The following MYCBPAP variants were observed in gnomAD, a reference collection of about 807,000 sequenced individuals.
MYCBPAP encodes MYCBP associated protein, also known as MYCBP-associated protein.
In MYCBPAP, 60 loss-of-function variants were observed where a neutral mutation model predicts 106.1. The ratio of observed to expected loss-of-function variants is 0.57; its 90% CI spans 0.46 to 0.70. The LOEUF (loss-of-function observed/expected upper bound fraction) is 0.70. MYCBPAP is among the 30% of genes least tolerant of loss of function. The pLI, the probability that MYCBPAP is intolerant of heterozygous loss-of-function variation, is 0.00. For missense variants in MYCBPAP, 1,064 were observed against 1,169.3 expected (o/e 0.91, Z 1.31); for synonymous variants, 407 against 440.6 (o/e 0.92, Z 0.95).
chr17:50,519,960 T>C (rs6504665), intron 7 of MYCBPAP, 173 bp downstream of exon 7: 481,886 of 645,598 alleles, frequency 0.75, 181,614 homozygotes, highest in East Asian at 0.9. Context: ...CTCCCTCTTC[T>C]TTTTCTTCAG....
At chr17:50,512,180 A>C (rs918954040) in intron 1 of MYCBPAP, among the ~76,000 whole-genome samples, 8 of 151,302 alleles carry the variant, frequency 5.3e-5, no homozygotes, top group Admixed American at 4.6e-4. Flanking sequence ...CAGCCTCCCG[A>C]GTAGCTGGGA....
chr17:50,523,878 C>A, intron 12 of MYCBPAP, 94 bp downstream of exon 12: 3 of 1,254,752 alleles, frequency 2.4e-6, no homozygotes, highest in South Asian at 1.5e-5. Flanking sequence ...TTTCTCCCAG[C>A]CTAAGAGGAG....
chr17:50,528,919 G>T, intron 17 of MYCBPAP, 79 bp downstream of exon 17: 1 of 1,599,340 alleles, frequency 6.3e-7, no homozygotes, highest in South Asian at 1.1e-5. Context: ...CTGTGGAGGT[G>T]GGCATGTGCC....
intron 6 of MYCBPAP, 60 bp downstream of exon 6, chr17:50,519,149 G>T: frequency 8.5e-7 from 1 of 1,183,350 alleles, no homozygotes; most frequent in Non-Finnish European, 1.2e-6. Context: ...GGGGGCGGGG[G>T]CAGGTGTCTG....
In MYCBPAP at chr17:50,531,408, G is replaced by T. The variant is rs1393841312; in HGVS notation, c.2806G>T (p.Ala936Ser). ...CAGCCCCATAAAGAATGTCGAGGAG[G>T]CTTTGCGCCTCTGCAGGTGACTCTC... is the stretch of plus-strand genomic sequence containing the variant. ...ELSPIKNVEEALRLCR is the reference protein window; with the variant it reads ...ELSPIKNVEESLRLCR Residue 936 changes from alanine to serine, a missense_variant, in exon 19 of 19, where the codon GCT (alanine) becomes TCT (serine). Coordinates refer to ENST00000323776, the MANE Select transcript of MYCBPAP (RefSeq NM_032133.6). The T allele has an allele frequency of 6.2e-7, 1 of 1,612,386 alleles. No individual in the cohort carries two copies. Among genetic ancestry groups the T allele is most frequent in the Admixed American group, 1.7e-5 (1 of 59,698 alleles).
At chr17:50,521,257 C>A (rs1436039776) in intron 8 of MYCBPAP, 32 bp downstream of exon 8, 2 of 1,598,008 alleles carry the variant, frequency 1.3e-6, no homozygotes, top group Non-Finnish European at 1.7e-6. Flanking sequence ...CAGTCAGAAG[C>A]CCCTTGGGGC....
At position 50,518,723 on chromosome 17, in the gene MYCBPAP, C is replaced by A; in HGVS notation, c.651C>A (p.Ser217Arg). ...ALRKKQQEAL[S>R]EHLKKPVSEL... ...GGAAGAAGCAGCAGGAAGCCCTCAG[C>A]GGTGAGCAGAGCAGACAGGGCTCCC... Residue 217 changes from serine (S) to arginine (R), a missense_variant and splice_region_variant, in exon 5 of 19, where the codon AGC becomes AGA. Ser to Arg is a moderately radical substitution (Grantham distance 110, BLOSUM62 -1). Coordinates refer to ENST00000323776, the MANE Select transcript of MYCBPAP (RefSeq NM_032133.6). 1 of 1,577,020 alleles carries A rather than the reference C, an allele frequency of 6.3e-7. No individual in the cohort carries two copies. The highest frequency in any genetic ancestry group is 8.6e-7 in the Non-Finnish European group (1 of 1,165,124).
At chr17:50,509,267 C>A (rs2033732642) in intron 1 of MYCBPAP, 1 of 657,862 alleles carries the variant, frequency 1.5e-6, no homozygotes, top group Non-Finnish European at 2.8e-6. Flanking sequence ...CCTTGCTTGG[C>A]TAGTTCTCTT....
intron 4 of MYCBPAP, among the ~76,000 whole-genome samples, chr17:50,518,236 G>C (rs752640243): frequency 6.6e-6 from 1 of 152,242 alleles, no homozygotes; most frequent in Non-Finnish European, 1.5e-5. Flanking sequence ...GGCCCTGTAA[G>C]AATGCTTCCA....
intron 15 of MYCBPAP, among the ~76,000 whole-genome samples, chr17:50,527,694 A>C (rs549431995): frequency 2.8e-4 from 42 of 152,306 alleles, no homozygotes; most frequent in African/African-American, 9.6e-4. Flanking sequence ...GGCAGGAAGA[A>C]GACGGGGGGC....
intron 12 of MYCBPAP, 136 bp from the exon 13 acceptor site, chr17:50,524,733 TGTGTGAGA>T: frequency 3.5e-6 from 1 of 288,260 alleles, no homozygotes; most frequent in South Asian, 5.8e-5. Context: ...TGTGTGTGTG[TGTGTGAGA>T]GAGAGAGAGA....
intron 6 of MYCBPAP, 35 bp downstream of exon 6, chr17:50,519,124 G>A (rs1269820444): frequency 1.6e-5 from 24 of 1,512,538 alleles, no homozygotes; most frequent in Non-Finnish European, 2.2e-5. Flanking sequence ...CGGGGGCAGG[G>A]GGGTCCATGG....
At chr17:50,525,053 C>G in intron 13 of MYCBPAP, 30 bp downstream of exon 13, 1 of 1,593,586 alleles carries the variant, frequency 6.3e-7, no homozygotes, top group Non-Finnish European at 8.6e-7. Context: ...CCTGCCCCCT[C>G]ATGTGTGCCC....
intron 15 of MYCBPAP, 25 bp downstream of exon 15, chr17:50,527,433 C>T: frequency 6.2e-7 from 1 of 1,612,900 alleles, no homozygotes; most frequent in Non-Finnish European, 8.5e-7. Flanking sequence ...AGGAGAGCTG[C>T]CCCATCTCCT....
chr17:50,515,655 A>T (rs1443406732), intron 1 of MYCBPAP, among the ~76,000 whole-genome samples: 6 of 152,166 alleles, frequency 3.9e-5, no homozygotes, highest in African/African-American at 1.4e-4. Context: ...CTGTATTCAT[A>T]AAACTCCCCC....
intron 1 of MYCBPAP, chr17:50,514,731 T>C (rs2033980946): frequency 8.6e-6 from 2 of 233,134 alleles, no homozygotes; most frequent in Non-Finnish European, 1.8e-5. Context: ...CAATCTTGGC[T>C]CACTGCAGCC....
At chr17:50,517,938 G>C (rs767660879) in intron 4 of MYCBPAP, among the ~76,000 whole-genome samples, 1 of 152,216 alleles carries the variant, frequency 6.6e-6, no homozygotes, top group Non-Finnish European at 1.5e-5. Context: ...ACCCAAAGGC[G>C]GGAGTACCTG....
rs2034141137 is a variant in MYCBPAP at position 50,518,638 on chromosome 17, C to T, written c.566C>T (p.Pro189Leu). The T allele has an allele frequency of 6.2e-7, 1 of 1,610,948 alleles. No homozygotes were observed. The highest frequency in any genetic ancestry group is 2.2e-5 in the East Asian group (1 of 44,854). Residue 189 changes from proline (P) to leucine (L), a missense_variant, in exon 5 of 19, where the codon CCC (proline) becomes CTC (leucine). Pro to Leu is a moderately conservative substitution (Grantham distance 98). Coordinates refer to ENST00000323776, the MANE Select transcript of MYCBPAP (RefSeq NM_032133.6). The stretch of plus-strand genomic sequence containing the variant: ...GCCCCAAAAGAAGAGAAGAGACCTC[C>T]CTGGGCCCCACCTCCTCAGCACAAC... ...QKAPKEEKRP[P>L]WAPPPQHNFL...
intron 9 of MYCBPAP, among the ~76,000 whole-genome samples, chr17:50,521,668 A>C (rs1332393520): frequency 1.3e-5 from 2 of 152,092 alleles, no homozygotes; most frequent in African/African-American, 4.8e-5. Flanking sequence ...TTGCTGGTCA[A>C]CTGAGGGCTC....
Sources: allele counts gnomAD v4.1 joint callset (sites outside exome capture counted in the v4.1 genomes callset), GRCh38; gene constraint gnomAD v4.1.1; transcripts MANE v1.5; gene names NCBI Gene and HGNC (gene_info 2026-07-23, HGNC 2026-07-21).